CSMD1: variants seen among roughly 807,000 people sequenced by gnomAD.
The protein encoded by CSMD1 is CUB and sushi domain-containing protein 1.
CSMD1 carries 213 observed loss-of-function variants against 417.5 expected under a neutral mutation model. The observed-to-expected ratio is 0.51, with a 90% confidence interval of 0.46 to 0.57. The LOEUF is 0.57. Among genes scored for constraint, CSMD1 ranks in the 20% least tolerant of loss-of-function variants. The pLI is 0.00. For missense variants in CSMD1, 6,923 were observed against 4,529.7 expected (o/e 1.53, Z -15.17); for synonymous variants, 2,862 against 1,736.8 (o/e 1.65, Z -16.11).
At chr8:4,522,361 A>C (rs1226910794) in intron 2 of CSMD1, among the ~76,000 whole-genome samples, 1 of 152,184 alleles carries the variant, frequency 6.6e-6, no homozygotes, top group African/African-American at 2.4e-5. Flanking sequence ...TTAATTGCCA[A>C]GTCTCCGGTA....
At chr8:3,069,577 G>A (rs1005438866) in intron 49 of CSMD1, among the ~76,000 whole-genome samples, 2 of 152,216 alleles carry the variant, frequency 1.3e-5, no homozygotes, top group Admixed American at 6.5e-5. Context: ...ACTACAAGGG[G>A]TGGTTTCGCA....
chr8:4,071,825 GT>G (rs775575470), intron 3 of CSMD1, among the ~76,000 whole-genome samples: 66 of 151,306 alleles, frequency 4.4e-4, no homozygotes, highest in South Asian at 4.2e-4. Context: ...ACTTCCTGTT[GT>G]GGGGGGGTGG....
At chr8:4,597,262 G>A (rs1800335801) in intron 2 of CSMD1, among the ~76,000 whole-genome samples, 1 of 152,092 alleles carries the variant, frequency 6.6e-6, no homozygotes, top group Admixed American at 6.5e-5. Context: ...CCATGCCTTT[G>A]ATTTCTAATT....
chr8:3,485,510 T>C (rs1050097507), intron 11 of CSMD1, among the ~76,000 whole-genome samples: 1 of 143,722 alleles, frequency 7.0e-6, no homozygotes, highest in Admixed American at 7.1e-5. Context: ...TGAAATTGTA[T>C]AGAACTTCAT....
At chr8:3,928,988 G>C (rs1396937843) in intron 5 of CSMD1, among the ~76,000 whole-genome samples, 2 of 150,528 alleles carry the variant, frequency 1.3e-5, no homozygotes, top group African/African-American at 2.5e-5. Context: ...GGTTGTCATT[G>C]TATAAGAAAT....
rs4875858 is a variant in CSMD1, at chr8:2,962,489, C to G, written c.9605G>C (p.Ser3202Thr). Residue 3202 changes from serine to threonine, a missense_variant, in exon 61 of 70, where the codon AGC becomes ACC. Physicochemically the swap from Ser to Thr is moderately conservative, Grantham distance 58. Transcript: ENST00000635120. ...ACCAATGCAGGTGGGTTGTATGCCG[C>G]TCCACGTGCCGTCAGCTTGGCAGAC... Reference protein sequence around the residue: ...RRVCQADGTWSGIQPTCIDPA... With the variant: ...RRVCQADGTWTGIQPTCIDPA... The G allele has an allele frequency of 6.2e-7, 1 of 1,613,882 alleles. No homozygotes were observed. Among genetic ancestry groups the G allele is most frequent in the Non-Finnish European group, 8.5e-7 (1 of 1,179,808 alleles).
chr8:4,435,626 G>C (rs575342876), intron 2 of CSMD1, among the ~76,000 whole-genome samples: 15 of 152,314 alleles, frequency 9.8e-5, no homozygotes, highest in Non-Finnish European at 7.3e-5. Flanking sequence ...AATGGTGGAA[G>C]CTAGCCTACC....
intron 3 of CSMD1, among the ~76,000 whole-genome samples, chr8:4,335,991 G>A (rs551811251): frequency 2.7e-4 from 41 of 152,202 alleles, no homozygotes; most frequent in Admixed American, 9.2e-4. Context: ...GGTCAGCCCC[G>A]CTCACTGTCA....
At chr8:3,274,898 T>G (rs1802157524) in intron 26 of CSMD1, among the ~76,000 whole-genome samples, 1 of 152,210 alleles carries the variant, frequency 6.6e-6, no homozygotes. Flanking sequence ...CCAGTCTGTG[T>G]CTTTTAATTG....
intron 17 of CSMD1, among the ~76,000 whole-genome samples, chr8:3,391,445 G>T (rs1486184372): frequency 6.6e-6 from 1 of 152,130 alleles, no homozygotes; most frequent in Non-Finnish European, 1.5e-5. Flanking sequence ...ATTTTAAAGT[G>T]GTGATTTAAA....
intron 3 of CSMD1, among the ~76,000 whole-genome samples, chr8:4,128,528 C>G (rs1166740821): frequency 6.6e-6 from 1 of 152,142 alleles, no homozygotes; most frequent in Admixed American, 6.5e-5. Flanking sequence ...CTCAAACCCC[C>G]TCCTATATTC....
intron 3 of CSMD1, among the ~76,000 whole-genome samples, chr8:4,314,703 T>G (rs1365280795): frequency 6.6e-6 from 1 of 152,228 alleles, no homozygotes; most frequent in African/African-American, 2.4e-5. Context: ...AGTTTTTATG[T>G]GTTCTTACGT....
At chr8:4,791,754 C>T (rs1563396977) in intron 1 of CSMD1, among the ~76,000 whole-genome samples, 1 of 152,174 alleles carries the variant, frequency 6.6e-6, no homozygotes, top group Non-Finnish European at 1.5e-5. Flanking sequence ...CAATTTCCTT[C>T]ATTAGCATCG....
intron 5 of CSMD1, among the ~76,000 whole-genome samples, chr8:3,857,772 A>G (rs1804415540): frequency 6.6e-6 from 1 of 152,196 alleles, no homozygotes; most frequent in South Asian, 2.1e-4. Context: ...ATGTGAAGAG[A>G]GATGCAATGG....
At chr8:3,814,515 G>T (rs955226019) in intron 5 of CSMD1, among the ~76,000 whole-genome samples, 2 of 152,140 alleles carry the variant, frequency 1.3e-5, no homozygotes. Context: ...CTTCCGTGAC[G>T]CCATTTGGCA....
chr8:3,636,235 C>G (rs1273236537), intron 7 of CSMD1, among the ~76,000 whole-genome samples: 1 of 152,214 alleles, frequency 6.6e-6, no homozygotes, highest in Non-Finnish European at 1.5e-5. Context: ...AGGCGTGGAA[C>G]TGTCATTTTC....
chr8:3,434,250 C>A (rs1397845696), intron 12 of CSMD1, among the ~76,000 whole-genome samples: 1 of 152,130 alleles, frequency 6.6e-6, no homozygotes, highest in African/African-American at 2.4e-5. Flanking sequence ...ACGACTAAAT[C>A]GTTTTTTAAA....
chr8:4,679,300 A>C (rs1011076796), intron 1 of CSMD1, among the ~76,000 whole-genome samples: 2 of 152,230 alleles, frequency 1.3e-5, no homozygotes, highest in African/African-American at 4.8e-5. Context: ...CTGCAGATGC[A>C]TGAAGGGCGA....
chr8:4,629,120 A>G (rs1802348599), intron 2 of CSMD1, among the ~76,000 whole-genome samples: 1 of 152,210 alleles, frequency 6.6e-6, no homozygotes, highest in African/African-American at 2.4e-5. Flanking sequence ...CATTATCAAA[A>G]TGAAACAAAA....
Sources: gnomAD v4.1 joint callset for allele counts (sites outside exome capture counted in the v4.1 genomes callset) on GRCh38, gnomAD v4.1.1 for gene constraint, MANE v1.5 for transcripts, NCBI Gene and HGNC (gene_info 2026-07-23, HGNC 2026-07-21) for gene names.